The following TNIP1 variants were observed in gnomAD, a reference collection of about 807,000 sequenced individuals.
The protein encoded by TNIP1 is TNFAIP3 interacting protein 1.
In TNIP1, 22 loss-of-function variants were observed where a neutral mutation model predicts 86.6. The ratio of observed to expected loss-of-function variants is 0.25; its 90% CI spans 0.18 to 0.36. TNIP1 has a LOEUF of 0.36. Ranked by LOEUF, TNIP1 falls within the 10% of genes least tolerant of loss-of-function variation. The pLI is 1.00. For synonymous variants in TNIP1, 294 were observed against 313.0 expected (o/e 0.94, Z 0.64); for missense variants, 709 against 820.6 (o/e 0.86, Z 1.66).
intron 8 of TNIP1, among the ~76,000 whole-genome samples, chr5:151,048,418 A>C (rs964125885): frequency 2.0e-5 from 3 of 152,186 alleles, no homozygotes. Context: ...TTACAGAGGA[A>C]ACTGAGGCCT....
Position 151,042,689 on chromosome 5 carries a change from G to C in TNIP1, c.1003-18C>G, listed in dbSNP as rs768581559. 3.1e-6 allele frequency: 5 copies of C among 1,613,484 alleles called. No individual in the cohort carries two copies. Among genetic ancestry groups the C allele is most frequent in the Non-Finnish European group, 8.5e-7 (1 of 1,179,984 alleles). On this transcript the variant is annotated intron_variant, in intron 10 of 17. Coordinates refer to ENST00000521591, the MANE Select transcript of TNIP1 (RefSeq NM_006058.5). ...TCAGTGATCTGGGTTCAGAGGCAGA[G>C]AGGAGTGTGTGAGGCAAGGATGTAG...
At chr5:151,068,417 C>A (rs532829461) in intron 1 of TNIP1, among the ~76,000 whole-genome samples, 3 of 152,206 alleles carry the variant, frequency 2.0e-5, no homozygotes, top group Admixed American at 2.0e-4. Flanking sequence ...GCGAATCCTG[C>A]ATTATCAGGT....
rs772047544 is a variant in TNIP1, at chr5:151,035,753, T to C, written c.1396-46A>G. The stretch of plus-strand genomic sequence containing the variant: ...AGAGAGGGAGGGGGATGGTCCTGAG[T>C]GGGGATTTCTCCTCAGGCCCAGACT... On this transcript the variant is annotated intron_variant, in intron 13 of 17. Transcript: ENST00000521591. 8 of 1,608,040 alleles carry C rather than the reference T, an allele frequency of 5.0e-6. No individual in the cohort carries two copies. In the South Asian group the frequency reaches 5.5e-5, roughly 11 times the overall value.
At chr5:151,059,828 A>AGAGAGTGTGTGTGTGT (rs1554076446) in intron 5 of TNIP1, among the ~76,000 whole-genome samples, 1 of 56,398 alleles carries the variant, frequency 1.8e-5, no homozygotes, top group Non-Finnish European at 3.2e-5. Flanking sequence ...AGAGAGAGAG[A>AGAGAGTGTGTGTGTGT]GTGTGTGTGT....
intron 9 of TNIP1, among the ~76,000 whole-genome samples, chr5:151,043,504 G>A (rs1758727814): frequency 6.6e-6 from 1 of 152,256 alleles, no homozygotes; most frequent in Non-Finnish European, 1.5e-5. Flanking sequence ...GCCAGGCACA[G>A]TGGCTCATGC....
At chr5:151,081,435 A>T (rs1183932837), upstream of TNIP1, among the ~76,000 whole-genome samples, 1 of 152,024 alleles carries the variant, frequency 6.6e-6, no homozygotes, top group Non-Finnish European at 1.5e-5. Context: ...GCACGTAAGC[A>T]TTTGGCCCTA....
At chr5:151,083,710 C>T (rs183310986), upstream of TNIP1, among the ~76,000 whole-genome samples, 167 of 152,336 alleles carry the variant, frequency 1.1e-3, no homozygotes, top group Non-Finnish European at 1.7e-3. Flanking sequence ...CTGCTACTCC[C>T]TCCTCCACCA....
intron 11 of TNIP1, among the ~76,000 whole-genome samples, chr5:151,041,173 C>A (rs568623933): frequency 1.3e-5 from 2 of 151,634 alleles, no homozygotes; most frequent in African/African-American, 4.9e-5. Flanking sequence ...CGGGTTCAAG[C>A]GATTCTCGTG....
chr5:151,052,016 G>A, intron 7 of TNIP1, 149 bp downstream of exon 7: 1 of 640,924 alleles, frequency 1.6e-6, no homozygotes, highest in African/African-American at 1.8e-5. Flanking sequence ...AAGAGCCAAG[G>A]AGAAGGATCA....
Position 151,052,358 on chromosome 5 carries a change from G to T in TNIP1, c.628-99C>A, listed in dbSNP as rs181294798. 143 of 967,584 alleles carry T rather than the reference G, an allele frequency of 1.5e-4. No homozygotes were observed. In the East Asian group the frequency reaches 3.2e-3, roughly 22 times the overall value. The allele number at this position is 967,584 out of a possible 1,614,324, so 59.9% of individuals were successfully genotyped here. A position where few individuals can be genotyped will look rare whatever the true frequency, so the allele number is the denominator to read the frequency against. On this transcript the variant is annotated intron_variant, in intron 6 of 17. Coordinates refer to ENST00000521591, the MANE Select transcript of TNIP1 (RefSeq NM_006058.5). ...GTGGGGGGCCTGTAGCCACCCCAGGGCCCAACTCCTTATCCCCTTTGCCTG... is the reference window on the plus strand; with the variant it reads ...GTGGGGGGCCTGTAGCCACCCCAGGTCCCAACTCCTTATCCCCTTTGCCTG...
intron 1 of TNIP1, among the ~76,000 whole-genome samples, chr5:151,074,778 T>C (rs568859204): frequency 6.6e-6 from 1 of 152,358 alleles, no homozygotes; most frequent in South Asian, 2.1e-4. Context: ...GAGCCACAGC[T>C]GGAGATACGA....
intron 1 of TNIP1, among the ~76,000 whole-genome samples, chr5:151,069,040 G>A (rs565410000): frequency 6.6e-6 from 1 of 152,230 alleles, no homozygotes; most frequent in African/African-American, 2.4e-5. Flanking sequence ...CAGTTTGGGG[G>A]CAGAAAGGGG....
upstream of TNIP1, among the ~76,000 whole-genome samples, chr5:151,081,355 A>G (rs1265910535): frequency 2.6e-5 from 4 of 152,098 alleles, no homozygotes; most frequent in African/African-American, 9.7e-5. Context: ...GGCGAGCCAC[A>G]GAGACCACCC....
intron 1 of TNIP1, among the ~76,000 whole-genome samples, chr5:151,072,412 C>G (rs968250586): frequency 2.6e-5 from 4 of 152,222 alleles, no homozygotes; most frequent in Non-Finnish European, 5.9e-5. Context: ...TTACCCAGTC[C>G]TCTGAGGAGC....
At chr5:151,072,204 C>T (rs982009301) in intron 1 of TNIP1, among the ~76,000 whole-genome samples, 2 of 152,186 alleles carry the variant, frequency 1.3e-5, no homozygotes, top group Non-Finnish European at 2.9e-5. Context: ...CCTGGAGAGG[C>T]GGCAGGCTGA....
In TNIP1 at chr5:151,070,688, C is replaced by T. The variant is rs545351325; in HGVS notation, c.-36-5557G>A. Among the ~76,000 whole-genome samples the T allele has an allele frequency of 3.9e-5, 6 of 152,282 alleles. No individual in the cohort carries two copies. The East Asian group carries it at 1.2e-3, about 29-fold the overall frequency. ...AAGGAAGTGAGATGCCATGATATCA[C>T]ATTGCAGACATAAACAAAAAACTGT... On this transcript the variant is annotated intron_variant, in intron 1 of 17. Coordinates refer to ENST00000521591, the MANE Select transcript of TNIP1 (RefSeq NM_006058.5).
intron 2 of TNIP1, among the ~76,000 whole-genome samples, 162 bp downstream of exon 2, chr5:151,064,798 A>G (rs990643277): frequency 6.6e-6 from 1 of 152,140 alleles, no homozygotes; most frequent in Non-Finnish European, 1.5e-5. Flanking sequence ...TACATGGTGC[A>G]TAGAGACAGC....
At chr5:151,032,244 T>C (rs1287287199) in intron 17 of TNIP1, 43 bp downstream of exon 17, 2 of 1,512,874 alleles carry the variant, frequency 1.3e-6, no homozygotes, top group Non-Finnish European at 9.1e-7. Flanking sequence ...GATAAGATAT[T>C]ATCTCCCCCA....
intron 11 of TNIP1, among the ~76,000 whole-genome samples, chr5:151,040,730 T>C (rs1482744437): frequency 1.3e-5 from 2 of 152,204 alleles, no homozygotes; most frequent in Non-Finnish European, 2.9e-5. Flanking sequence ...AGACGTAGGC[T>C]GACTGCTCAA....
Sources: allele counts gnomAD v4.1 joint callset (sites outside exome capture counted in the v4.1 genomes callset), GRCh38; gene constraint gnomAD v4.1.1; transcripts MANE v1.5; gene names NCBI Gene and HGNC (gene_info 2026-07-23, HGNC 2026-07-21).